The following RALGAPA2 variants were observed in gnomAD, a reference collection of about 807,000 sequenced individuals.
The protein encoded by RALGAPA2 is ral GTPase-activating protein subunit alpha-2.
In RALGAPA2, 139 loss-of-function variants were observed where a neutral mutation model predicts 230.4. The ratio of observed to expected loss-of-function variants is 0.60; its 90% confidence interval spans 0.53 to 0.69. RALGAPA2 has a LOEUF of 0.69. RALGAPA2 is among the 30% of genes least tolerant of loss of function. The pLI is 0.00. For missense variants in RALGAPA2, 2,163 were observed against 2,276.0 expected, an observed-to-expected ratio of 0.95 and a Z score of 1.01; for synonymous variants, 847 against 837.8, an observed-to-expected ratio of 1.01 and a Z score of -0.19.
At chr20:20,680,020 C>T (rs1250624034) in intron 2 of RALGAPA2, among the ~76,000 whole-genome samples, 2 of 152,182 alleles carry the variant, frequency 1.3e-5, no homozygotes, top group Admixed American at 1.3e-4. Flanking sequence ...GTGTCAAACT[C>T]TGTCCTAAAA....
intron 1 of RALGAPA2, among the ~76,000 whole-genome samples, chr20:20,686,439 G>A (rs138586540): frequency 6.6e-6 from 1 of 151,802 alleles, no homozygotes; most frequent in Non-Finnish European, 1.5e-5. Context: ...CCAGCTACTC[G>A]GGAGGCTGAG....
intron 37 of RALGAPA2, among the ~76,000 whole-genome samples, chr20:20,464,825 C>A (rs1223199050): frequency 6.6e-6 from 1 of 152,068 alleles, no homozygotes; most frequent in Non-Finnish European, 1.5e-5. Flanking sequence ...AACACAAAAA[C>A]CAATTTTTCG....
chr20:20,629,647 G>A (rs1453798812), intron 9 of RALGAPA2, 57 bp from the exon 10 acceptor site: 1 of 1,559,276 alleles, frequency 6.4e-7, no homozygotes, highest in African/African-American at 1.4e-5. Flanking sequence ...AGAACACCTG[G>A]CAAAACTTCA....
chr20:20,590,264 A>G (rs935931908), intron 17 of RALGAPA2, among the ~76,000 whole-genome samples: 1 of 152,152 alleles, frequency 6.6e-6, no homozygotes, highest in African/African-American at 2.4e-5. Context: ...ATTTTAAAAC[A>G]TTCCTACAAG....
At position 20,640,689 on chromosome 20, in the gene RALGAPA2, A is replaced by G; in HGVS notation, c.550+12T>C. On this transcript the variant is annotated intron_variant, in intron 6 of 39. Transcript: ENST00000202677. Reference sequence around the variant, plus strand: ...GTAATTTCAACATGGGAGATCTGCTAACATAACTTACCATCAGCTACACTA... The same window carrying G: ...GTAATTTCAACATGGGAGATCTGCTGACATAACTTACCATCAGCTACACTA... 6.3e-7 allele frequency: 1 copy of G among 1,599,952 alleles called. No homozygotes were observed. Among genetic ancestry groups the G allele is most frequent in the Non-Finnish European group, 8.5e-7 (1 of 1,170,678 alleles).
intron 36 of RALGAPA2, among the ~76,000 whole-genome samples, chr20:20,489,957 T>G (rs772176737): frequency 8.5e-5 from 13 of 152,094 alleles, no homozygotes; most frequent in Non-Finnish European, 1.6e-4. Context: ...ATAAAGCAAA[T>G]AAGAAGAAGA....
At position 20,526,331 on chromosome 20, in the gene RALGAPA2, C is replaced by T; in HGVS notation, c.3614G>A (p.Cys1205Tyr). The change falls in exon 28 of 40, where the codon TGC (cysteine) becomes TAC (tyrosine). Residue 1205 changes from cysteine (C) to tyrosine (Y), a missense_variant. Coordinates refer to ENST00000202677, the MANE Select transcript of RALGAPA2 (RefSeq NM_020343.4). ...FPNKIVAQVACDVLQLLVSYW... is the reference protein window; with the variant it reads ...FPNKIVAQVAYDVLQLLVSYW... Reference sequence around the variant, plus strand: ...GGAAACCAGCAACTGAAGGACATCGCAAGCTACCTGGGCCACGATTTTGTT... The same window carrying T: ...GGAAACCAGCAACTGAAGGACATCGTAAGCTACCTGGGCCACGATTTTGTT... 6.2e-7 allele frequency: 1 copy of T among 1,607,020 alleles called. No homozygotes were observed. Among genetic ancestry groups the T allele is most frequent in the Non-Finnish European group, 8.5e-7 (1 of 1,177,994 alleles).
At chr20:20,621,640 T>C (rs1426268875) in intron 10 of RALGAPA2, among the ~76,000 whole-genome samples, 1 of 152,218 alleles carries the variant, frequency 6.6e-6, no homozygotes, top group Non-Finnish European at 1.5e-5. Flanking sequence ...ATTGTGCATA[T>C]TTATAAGAAC....
At position 20,616,113 on chromosome 20, in the gene RALGAPA2, C is replaced by G. The variant is rs190633497; in HGVS notation, c.1618G>C (p.Asp540His). The change falls in exon 13 of 40, where the codon GAT becomes CAT. Residue 540 changes from aspartate (D) to histidine (H), a missense_variant. Transcript: ENST00000202677. ...EVPVLLKEQVDACKAVLIIFR... is the reference protein window; with the variant it reads ...EVPVLLKEQVHACKAVLIIFR... ...ATAATCAAAACAGCTTTACAAGCAT[C>G]AACTTGTTCTTTCAAGAGCACAGGA... 5.8e-6 allele frequency: 9 copies of G among 1,556,564 alleles called. No homozygotes were observed. Among genetic ancestry groups the G allele is most frequent in the Middle Eastern group, 1.7e-4 (1 of 5,970 alleles).
intron 13 of RALGAPA2, among the ~76,000 whole-genome samples, chr20:20,615,265 A>G (rs1487692778): frequency 6.6e-6 from 1 of 150,858 alleles, no homozygotes; most frequent in Admixed American, 6.7e-5. Flanking sequence ...GGTTCAAGCG[A>G]TTCTCCTGTC....
At chr20:20,635,362 T>C in intron 9 of RALGAPA2, 56 bp downstream of exon 9, 1 of 1,489,790 alleles carries the variant, frequency 6.7e-7, no homozygotes, top group Non-Finnish European at 9.2e-7. Flanking sequence ...TTGGCTATGT[T>C]CCAGTGTATT....
At chr20:20,502,933 ATT>A (rs979271422) in intron 35 of RALGAPA2, among the ~76,000 whole-genome samples, 5 of 152,162 alleles carry the variant, frequency 3.3e-5, no homozygotes, top group Admixed American at 3.3e-4. Flanking sequence ...TTTCCTTTGA[ATT>A]CTAAGGAAAA....
At chr20:20,577,354 C>T (rs1390705805) in intron 20 of RALGAPA2, among the ~76,000 whole-genome samples, 1 of 152,072 alleles carries the variant, frequency 6.6e-6, no homozygotes, top group Non-Finnish European at 1.5e-5. Flanking sequence ...CCAAGACACA[C>T]ATAAAAAAAG....
chr20:20,658,020 A>C (rs1568716302), intron 3 of RALGAPA2, among the ~76,000 whole-genome samples: 1 of 152,224 alleles, frequency 6.6e-6, no homozygotes, highest in East Asian at 1.9e-4. Context: ...GACGATGTGT[A>C]TCTACATGCT....
chr20:20,482,426 GA>G (rs2061800025), intron 36 of RALGAPA2, among the ~76,000 whole-genome samples: 2 of 152,118 alleles, frequency 1.3e-5, no homozygotes, highest in South Asian at 4.2e-4. Context: ...CTTCATGTAG[GA>G]AGTGGTCATG....
At chr20:20,551,423 T>C (rs2063921956) in intron 23 of RALGAPA2, among the ~76,000 whole-genome samples, 1 of 152,250 alleles carries the variant, frequency 6.6e-6, no homozygotes, top group Non-Finnish European at 1.5e-5. Context: ...ACTAGTATTT[T>C]TCTCTTGCTC....
chr20:20,711,413 G>A (rs570837967), intron 1 of RALGAPA2, among the ~76,000 whole-genome samples: 48 of 152,336 alleles, frequency 3.2e-4, no homozygotes, highest in Middle Eastern at 3.4e-3. Context: ...AAATACACAG[G>A]TAAGTGTGTC....
At chr20:20,557,430 A>G (rs1187646999) in intron 23 of RALGAPA2, among the ~76,000 whole-genome samples, 1 of 152,250 alleles carries the variant, frequency 6.6e-6, no homozygotes, top group Non-Finnish European at 1.5e-5. Context: ...CAGAGTCAGA[A>G]AACTATACTT....
intron 31 of RALGAPA2, among the ~76,000 whole-genome samples, chr20:20,513,915 C>G (rs988735098): frequency 1.3e-5 from 2 of 152,194 alleles, no homozygotes; most frequent in African/African-American, 4.8e-5. Flanking sequence ...AAAGTTTCTC[C>G]TGGGCAATGA....
Sources: gnomAD v4.1 joint callset for allele counts (sites outside exome capture counted in the v4.1 genomes callset) on GRCh38, gnomAD v4.1.1 for gene constraint, MANE v1.5 for transcripts, NCBI Gene and HGNC (gene_info 2026-07-23, HGNC 2026-07-21) for gene names.